Variants in HYLS1 observed in about 807,000 individuals in gnomAD.
The protein encoded by HYLS1 is centriolar and ciliogenesis-associated protein HYLS1.
Under a neutral mutation model 29.4 loss-of-function variants are expected in HYLS1, and 25 were observed. That is an observed-to-expected ratio of 0.85 (90% CI 0.62 to 1.19). The LOEUF (loss-of-function observed/expected upper bound fraction) is 1.19. Ranked by LOEUF, HYLS1 falls within the 50% of genes most tolerant of loss-of-function variation. The probability of loss-of-function intolerance (pLI) is 0.00; values close to 1 mark genes in which losing one functional copy is unlikely to be tolerated. For missense variants in HYLS1, 352 were observed against 365.1 expected (o/e 0.96, Z 0.29); for synonymous variants, 128 against 126.7 (o/e 1.01, Z -0.07).
chr11:125,900,411 A>G lies in HYLS1; in HGVS notation c.*143A>G, dbSNP rs535356227. ...CACCTATCATTGGTCTTTCCTAGCT[A>G]TATATCACATTGGTATCAGATGATA... On this transcript the variant is annotated 3_prime_UTR_variant, in exon 3 of 3. Coordinates refer to ENST00000425380, the MANE Select transcript of HYLS1 (RefSeq NM_001134793.2). 2.3e-5 allele frequency: 17 copies of G among 732,956 alleles called. No homozygotes were observed. Among genetic ancestry groups the G allele is most frequent in the Middle Eastern group, 3.9e-4 (1 of 2,592 alleles). The allele number at this position is 732,956 out of a possible 1,614,324, so 45.4% of individuals were successfully genotyped here.
chr11:125,890,820 T>G (rs2134232514), intron 1 of HYLS1, among the ~76,000 whole-genome samples: 1 of 152,354 alleles, frequency 6.6e-6, no homozygotes, highest in South Asian at 2.1e-4. Context: ...CTATTTTATT[T>G]ATTGTTTGCA....
At chr11:125,895,287 T>C in intron 2 of HYLS1, 3 of 1,613,166 alleles carry the variant, frequency 1.9e-6, no homozygotes, top group Non-Finnish European at 2.5e-6. Context: ...CTCTGGCTTC[T>C]CCATTCCTTG....
intron 2 of HYLS1, among the ~76,000 whole-genome samples, chr11:125,892,795 A>G (rs2134236794): frequency 6.6e-6 from 1 of 152,312 alleles, no homozygotes; most frequent in East Asian, 1.9e-4. Context: ...TATTTTTGCC[A>G]CACAATTCTA....
upstream of HYLS1, among the ~76,000 whole-genome samples, chr11:125,886,653 G>C (rs1197068400): frequency 6.8e-6 from 1 of 147,084 alleles, no homozygotes; most frequent in Non-Finnish European, 1.5e-5. Flanking sequence ...AAAAAAATTA[G>C]TGGCTGGGCA....
chr11:125,883,901 T>C (rs1301047344), upstream of HYLS1: 1 of 151,922 alleles, frequency 6.6e-6, no homozygotes, highest in Non-Finnish European at 1.5e-5. Context: ...TTAACAAGCA[T>C]GATGATACAA....
upstream of HYLS1, among the ~76,000 whole-genome samples, chr11:125,884,471 CG>C (rs1944275527): frequency 6.6e-6 from 1 of 151,786 alleles, no homozygotes; most frequent in Non-Finnish European, 1.5e-5. Flanking sequence ...TAGCCGGGTG[CG>C]GTGGCGGGTG....
At chr11:125,894,034 G>C (rs1266696316) in intron 2 of HYLS1, 3 of 1,614,178 alleles carry the variant, frequency 1.9e-6, no homozygotes, top group Admixed American at 1.7e-5. Flanking sequence ...CAAAGGCACT[G>C]GTCTGCTTTA....
intron 2 of HYLS1, chr11:125,896,358 G>A (rs1944591905): frequency 7.4e-7 from 1 of 1,356,258 alleles, no homozygotes; most frequent in Non-Finnish European, 1.0e-6. Context: ...GGATACAACA[G>A]TTTCAATGCT....
chr11:125,893,257 C>T (rs962601791), intron 2 of HYLS1, among the ~76,000 whole-genome samples: 1 of 152,200 alleles, frequency 6.6e-6, no homozygotes, highest in Non-Finnish European at 1.5e-5. Flanking sequence ...CATTTACCAA[C>T]CTCTGCACTA....
chr11:125,886,020 T>C (rs886908006), upstream of HYLS1, among the ~76,000 whole-genome samples: 2 of 151,890 alleles, frequency 1.3e-5, no homozygotes, highest in African/African-American at 4.9e-5. Context: ...TTTCATTATA[T>C]GTTACAATAT....
chr11:125,891,963 C>A (rs1156388980), intron 2 of HYLS1, among the ~76,000 whole-genome samples: 9 of 152,004 alleles, frequency 5.9e-5, no homozygotes, highest in African/African-American at 2.2e-4. Context: ...TTTAATTGTC[C>A]CATGTGTTAT....
intron 2 of HYLS1, among the ~76,000 whole-genome samples, chr11:125,891,969 G>A (rs1417207360): frequency 6.6e-6 from 1 of 152,110 alleles, no homozygotes; most frequent in Non-Finnish European, 1.5e-5. Flanking sequence ...TGTCCCATGT[G>A]TTATTTGCAC....
At chr11:125,886,704 AG>A (rs1944310966), upstream of HYLS1, among the ~76,000 whole-genome samples, 1 of 150,830 alleles carries the variant, frequency 6.6e-6, no homozygotes, top group East Asian at 2.0e-4. Context: ...TGGGAGGCCG[AG>A]GGGGTAGAAT....
chr11:125,886,720 T>G (rs1270950886), upstream of HYLS1, among the ~76,000 whole-genome samples: 1 of 151,380 alleles, frequency 6.6e-6, no homozygotes, highest in Non-Finnish European at 1.5e-5. Flanking sequence ...TAGAATCACC[T>G]GACTAACATG....
At chr11:125,888,979 A>G (rs1322482032) in intron 1 of HYLS1, among the ~76,000 whole-genome samples, 1 of 152,194 alleles carries the variant, frequency 6.6e-6, no homozygotes, top group Non-Finnish European at 1.5e-5. Flanking sequence ...CATCAGTCAC[A>G]GATAACCATC....
chr11:125,890,929 C>T (rs983500888), intron 1 of HYLS1, among the ~76,000 whole-genome samples: 5 of 145,726 alleles, frequency 3.4e-5, no homozygotes, highest in Middle Eastern at 3.3e-3. Context: ...GGACACATGC[C>T]ATTAAAAAAA....
chr11:125,896,840 T>A (rs571681768), intron 2 of HYLS1, among the ~76,000 whole-genome samples: 1 of 152,170 alleles, frequency 6.6e-6, no homozygotes, highest in Non-Finnish European at 1.5e-5. Flanking sequence ...CAATAGAAGC[T>A]AGCCTAACTG....
rs763984480 is a variant in HYLS1, at chr11:125,899,399, T to C, written c.31T>C (p.Trp11Arg). The C allele has an allele frequency of 3.7e-6, 6 of 1,614,142 alleles. No homozygotes were observed. Among genetic ancestry groups the C allele is most frequent in the East Asian group, 2.2e-5 (1 of 44,882 alleles). Reference sequence around the variant, plus strand: ...AGAACTTCTACCTGATGGACAAATATGGGCTAATATGGATCCAGAAGAACG... The same window carrying C: ...AGAACTTCTACCTGATGGACAAATACGGGCTAATATGGATCCAGAAGAACG... MEELLPDGQI[W>R]ANMDPEERML... is the part of the protein sequence containing the mutation. Residue 11 changes from tryptophan to arginine, a missense_variant, in exon 3 of 3, where the codon TGG (tryptophan) becomes CGG (arginine). Coordinates refer to ENST00000425380, the MANE Select transcript of HYLS1 (RefSeq NM_001134793.2).
In HYLS1 at chr11:125,896,258, G is replaced by A. The variant is rs12274443; in HGVS notation, c.-25-3086G>A. On this transcript the variant is annotated intron_variant, in intron 2 of 2. Coordinates refer to ENST00000425380, the MANE Select transcript of HYLS1 (RefSeq NM_001134793.2). ...CTCTTTTTAGGAGCTTCTCAGTCTG[G>A]TTTCTGTCTGTGTCATTATAAGCCA... The A allele has an allele frequency of 1.6e-3, 2,539 of 1,611,804 alleles. 31 individuals carry two copies. The African/African-American group carries it at 0.024, about 15-fold the overall frequency.
Sources: allele counts gnomAD v4.1 joint callset (sites outside exome capture counted in the v4.1 genomes callset), GRCh38; gene constraint gnomAD v4.1.1; transcripts MANE v1.5; gene names NCBI Gene and HGNC (gene_info 2026-07-23, HGNC 2026-07-21).